MYZAP: variants seen among roughly 807,000 people sequenced by gnomAD.
The protein encoded by MYZAP is myocardial zonula adherens protein.
MYZAP carries 66 observed loss-of-function variants against 69.4 expected under a neutral mutation model. The observed-to-expected ratio is 0.95, with a 90% CI of 0.78 to 1.17. The LOEUF (loss-of-function observed/expected upper bound fraction) is 1.17, where lower values mean the gene tolerates loss of function less well. MYZAP is among the 50% of genes most tolerant of loss of function. The pLI is 0.00. For missense variants in MYZAP, 611 were observed against 556.2 expected (o/e 1.10, Z -0.99); for synonymous variants, 256 against 205.9 (o/e 1.24, Z -2.09).
In MYZAP at chr15:57,632,512, C is replaced by A; in HGVS notation, c.757C>A (p.Leu253Met). ...GCTGTACAGCCAGTATGAGGAGAAG[C>A]TGCAGGAAGAACAGAGGAAGCACAG... is the stretch of plus-strand genomic sequence containing the variant. Reference protein sequence around the residue: ...KKLYSQYEEKLQEEQRKHSAE... With the variant: ...KKLYSQYEEKMQEEQRKHSAE... The change falls in exon 7 of 13, where the codon CTG (leucine) becomes ATG (methionine). Residue 253 changes from leucine to methionine, a missense_variant. Transcript: ENST00000267853. The A allele has an allele frequency of 6.2e-7, 1 of 1,614,212 alleles. No individual in the cohort carries two copies. Among genetic ancestry groups the A allele is most frequent in the South Asian group, 1.1e-5 (1 of 91,086 alleles).
At chr15:57,659,466 C>T (rs2038169479) in intron 10 of MYZAP, among the ~76,000 whole-genome samples, 2 of 152,120 alleles carry the variant, frequency 1.3e-5, no homozygotes, top group South Asian at 4.1e-4. Context: ...ATTTTGTTTA[C>T]TTCTTTGATT....
chr15:57,660,696 A>G lies in MYZAP; in HGVS notation c.1120-754A>G, dbSNP rs549732164. ...TTGGAAAGTTAATGTGTTATTAATGATCCTGCATACTGTTCCCACTATTAT... is the reference window on the plus strand; with the variant it reads ...TTGGAAAGTTAATGTGTTATTAATGGTCCTGCATACTGTTCCCACTATTAT... On this transcript the variant is annotated intron_variant, in intron 10 of 12. Coordinates refer to ENST00000267853, the MANE Select transcript of MYZAP (RefSeq NM_001018100.5). 7.4e-4 allele frequency among the ~76,000 whole-genome samples: 113 copies of G among 152,292 alleles called. 1 individual carries two copies. The highest frequency in any genetic ancestry group is 2.5e-3 in the African/African-American group (105 of 41,556).
At chr15:57,623,248 A>C (rs1453277285) in intron 4 of MYZAP, among the ~76,000 whole-genome samples, 3 of 152,194 alleles carry the variant, frequency 2.0e-5, no homozygotes, top group African/African-American at 7.2e-5. Flanking sequence ...ATTTGCTATT[A>C]CTCTTACAGA....
rs2039619637 is a variant in MYZAP, at chr15:57,684,884, TGAA to T, written c.*388_*390del. On this transcript the variant is annotated 3_prime_UTR_variant, in exon 13 of 13. Coordinates refer to ENST00000267853, the MANE Select transcript of MYZAP (RefSeq NM_001018100.5). ...CATGCCAGGATTGTTTGATAGAGCA[TGAA>T]GGTTTTGTTTACCCATAAAAGTATT... is the stretch of plus-strand genomic sequence containing the variant. 6.4e-6 allele frequency: 1 copy of T among 157,042 alleles called. No homozygotes were observed. Among genetic ancestry groups the T allele is most frequent in the African/African-American group, 2.4e-5 (1 of 41,510 alleles). The allele number at this position is 157,042 out of a possible 1,614,324, so 9.7% of individuals were successfully genotyped here.
intron 10 of MYZAP, among the ~76,000 whole-genome samples, chr15:57,643,280 C>G (rs2037264315): frequency 6.6e-6 from 1 of 152,196 alleles, no homozygotes; most frequent in South Asian, 2.1e-4. Context: ...AGTGGGGAGT[C>G]AAGCAGACAT....
chr15:57,627,544 C>T (rs141414168), intron 5 of MYZAP, among the ~76,000 whole-genome samples: 8 of 152,000 alleles, frequency 5.3e-5, no homozygotes, highest in East Asian at 3.9e-4. Flanking sequence ...CCTGGTGGAC[C>T]GAGTCTGAAG....
chr15:57,666,538 C>T (rs1269311397), intron 11 of MYZAP, among the ~76,000 whole-genome samples: 1 of 152,214 alleles, frequency 6.6e-6, no homozygotes, highest in African/African-American at 2.4e-5. Context: ...TAAAAGCTTG[C>T]TCTAGCCTGG....
At chr15:57,628,179 G>A (rs1469104006) in intron 5 of MYZAP, among the ~76,000 whole-genome samples, 1 of 152,134 alleles carries the variant, frequency 6.6e-6, no homozygotes, top group African/African-American at 2.4e-5. Context: ...ACTTTCCAAC[G>A]GCACAGATTC....
intron 11 of MYZAP, among the ~76,000 whole-genome samples, chr15:57,669,541 A>G (rs765920602): frequency 6.6e-6 from 1 of 152,026 alleles, no homozygotes; most frequent in Non-Finnish European, 1.5e-5. Flanking sequence ...CTTTAACCAG[A>G]TAGTGGGTTA....
rs1423111562 is a variant in MYZAP at position 57,647,991 on chromosome 15, GCT to G, written c.1119+8449_1119+8450del. ...CTTAGCCTTGGACTCCAAGGCTACAGCTCTGTCTCGTGGCCACTCAAGCCCCA... is the reference window on the plus strand; with the variant it reads ...CTTAGCCTTGGACTCCAAGGCTACAGCTGTCTCGTGGCCACTCAAGCCCCA... On this transcript the variant is annotated intron_variant, in intron 10 of 12. Transcript: ENST00000267853. 13 of 985,368 alleles carry G rather than the reference GCT, an allele frequency of 1.3e-5. No individual in the cohort carries two copies. In the East Asian group the frequency reaches 3.4e-4, roughly 26 times the overall value. 61.0% of individuals were successfully genotyped at this position (985,368 alleles called of 1,614,324 possible).
chr15:57,669,846 C>T lies in MYZAP; in HGVS notation c.1204-5122C>T, dbSNP rs546863044. ...CTTTGATATACTTTACTTTTATTAT[C>T]TTCCAGTTCAAAATATTTCCTAATT... On this transcript the variant is annotated intron_variant, in intron 11 of 12. Transcript: ENST00000267853. Among the ~76,000 whole-genome samples, 10 of 152,204 alleles carry T rather than the reference C, an allele frequency of 6.6e-5. No individual in the cohort carries two copies. In the South Asian group the frequency reaches 1.9e-3, roughly 28 times the overall value.
intron 11 of MYZAP, among the ~76,000 whole-genome samples, chr15:57,666,771 C>T (rs1305438352): frequency 6.6e-6 from 1 of 152,128 alleles, no homozygotes; most frequent in Non-Finnish European, 1.5e-5. Flanking sequence ...CTCAGCATCC[C>T]ACAATATACC....
At chr15:57,657,505 C>G (rs2038065912) in intron 10 of MYZAP, among the ~76,000 whole-genome samples, 3 of 152,170 alleles carry the variant, frequency 2.0e-5, no homozygotes, top group South Asian at 4.1e-4. Flanking sequence ...GCTTTTCTAT[C>G]CCTTGAGGCT....
At chr15:57,636,223 C>G (rs1201217085) in intron 8 of MYZAP, among the ~76,000 whole-genome samples, 2 of 151,894 alleles carry the variant, frequency 1.3e-5, no homozygotes, top group Non-Finnish European at 2.9e-5. Flanking sequence ...AACTTCCAAC[C>G]ACATAGGGGC....
At chr15:57,657,170 G>T (rs1456823161) in intron 10 of MYZAP, among the ~76,000 whole-genome samples, 2 of 152,142 alleles carry the variant, frequency 1.3e-5, no homozygotes, top group African/African-American at 4.8e-5. Context: ...TGCCTCACAA[G>T]CCACTCTGAT....
chr15:57,633,726 T>A lies in MYZAP; in HGVS notation c.918T>A (p.Ile306=). 1 of 1,608,872 alleles carries A rather than the reference T, an allele frequency of 6.2e-7. No homozygotes were observed. The highest frequency in any genetic ancestry group is 2.2e-5 in the East Asian group (1 of 44,640). Residue 306 remains isoleucine, a synonymous_variant, in exon 8 of 13, where the codon ATT becomes ATA. Coordinates refer to ENST00000267853, the MANE Select transcript of MYZAP (RefSeq NM_001018100.5). ...DQRIGELDRL[I]ERMEKERHQL... is the part of the protein sequence containing the mutation. ...GGATCGGGGAGCTGGACAGGCTGATTGAGCGCATGGAAAAGGTAGGACACA... is the reference window on the plus strand; with the variant it reads ...GGATCGGGGAGCTGGACAGGCTGATAGAGCGCATGGAAAAGGTAGGACACA...
At chr15:57,628,814 G>A (rs1214244334) in intron 5 of MYZAP, among the ~76,000 whole-genome samples, 2 of 152,168 alleles carry the variant, frequency 1.3e-5, no homozygotes, top group East Asian at 1.9e-4. Flanking sequence ...GCCGGGCGTG[G>A]TGGCTCACGC....
chr15:57,639,637 G>A (rs2140465694), intron 10 of MYZAP, 92 bp downstream of exon 10: 1 of 1,450,648 alleles, frequency 6.9e-7, no homozygotes, highest in South Asian at 1.3e-5. Context: ...TCCATTTCCT[G>A]TGGCTCACAA....
chr15:57,681,283 C>T (rs2140670283), intron 12 of MYZAP, among the ~76,000 whole-genome samples: 1 of 152,306 alleles, frequency 6.6e-6, no homozygotes, highest in South Asian at 2.1e-4. Flanking sequence ...CCATGGATTG[C>T]TCTCTGTGGC....
Sources: gnomAD v4.1 joint callset for allele counts (sites outside exome capture counted in the v4.1 genomes callset) on GRCh38, gnomAD v4.1.1 for gene constraint, MANE v1.5 for transcripts, NCBI Gene and HGNC (gene_info 2026-07-23, HGNC 2026-07-21) for gene names.